Variants in POLA1 observed in about 807,000 individuals in gnomAD.
The protein encoded by POLA1 is DNA polymerase alpha catalytic subunit.
Under a neutral mutation model 124.0 loss-of-function variants are expected in POLA1, and 15 were observed. The ratio of observed to expected loss-of-function variants is 0.12; its 90% CI spans 0.08 to 0.19. The LOEUF (loss-of-function observed/expected upper bound fraction) is 0.19, where lower values mean the gene tolerates loss of function less well. Ranked by LOEUF, POLA1 falls within the 10% of genes least tolerant of loss-of-function variation. The pLI, the probability that POLA1 is intolerant of heterozygous loss-of-function variation, is 1.00. For missense variants in POLA1, 886 were observed against 1,103.4 expected, an observed-to-expected ratio of 0.80 and a Z score of 2.79; for synonymous variants, 408 against 389.4, an observed-to-expected ratio of 1.05 and a Z score of -0.56.
rs114515515 is a variant in POLA1 at position 24,831,946 on chromosome X, A to C, written c.3736+5345A>C. 2.7e-5 allele frequency among the ~76,000 whole-genome samples: 3 copies of C among 111,685 alleles called. No homozygotes were observed. The Admixed American group carries it at 2.8e-4, about 11-fold the overall frequency. ...TGCTGTGCCTAGCACCATAATAGGC[A>C]CTGTGAAGGATACAAAGTTGAGTCA... is the stretch of plus-strand genomic sequence containing the variant. On this transcript the variant is annotated intron_variant, in intron 32 of 36. Coordinates refer to ENST00000379068, the MANE Select transcript of POLA1 (RefSeq NM_001330360.2).
chrX:24,704,675 A>C, intron 4 of POLA1, among the ~76,000 whole-genome samples: 1 of 111,993 alleles, frequency 8.9e-6, no homozygotes, highest in East Asian at 2.8e-4. Flanking sequence ...CAGGAAATGA[A>C]GTTTCATGTC....
At chrX:24,801,079 G>A (rs756258468) in intron 26 of POLA1, among the ~76,000 whole-genome samples, 3 of 112,445 alleles carry the variant, frequency 2.7e-5, no homozygotes, top group South Asian at 7.4e-4. Flanking sequence ...AACTATAGTT[G>A]TATGGGAGAG....
chrX:24,972,568 G>T (rs1455412774), intron 36 of POLA1, among the ~76,000 whole-genome samples: 1 of 111,751 alleles, frequency 8.9e-6, no homozygotes, highest in East Asian at 2.8e-4. Flanking sequence ...CCTCTTTCTT[G>T]TTCTCTGTTC....
At chrX:24,845,159 G>A (rs1204730656) in intron 34 of POLA1, among the ~76,000 whole-genome samples, 1 of 111,658 alleles carries the variant, frequency 9.0e-6, no homozygotes, top group African/African-American at 3.3e-5. Context: ...TGTGGTGGTG[G>A]TTATATAAGT....
At chrX:24,984,658 T>A (rs868630428) in intron 36 of POLA1, among the ~76,000 whole-genome samples, 55 of 94,779 alleles carry the variant, frequency 5.8e-4, no homozygotes, top group South Asian at 1.1e-3. Context: ...TTTGCACTTT[T>A]TTTTTTTTTT....
At position 24,804,436 on chromosome X, in the gene POLA1, C is replaced by T. The variant is rs188289183; in HGVS notation, c.2965-5462C>T. On this transcript the variant is annotated intron_variant, in intron 26 of 36. Coordinates refer to ENST00000379068, the MANE Select transcript of POLA1 (RefSeq NM_001330360.2). ...TCAAAACCATTTATATTTTACTACC[C>T]CTGTTATGCTAATGTATTGTTTAAT... 3.6e-4 allele frequency among the ~76,000 whole-genome samples: 40 copies of T among 111,401 alleles called. No homozygotes were observed. The East Asian group carries it at 0.011, about 29-fold the overall frequency.
chrX:24,970,602 A>G (rs1397184388), intron 36 of POLA1, among the ~76,000 whole-genome samples: 1 of 110,971 alleles, frequency 9.0e-6, no homozygotes, highest in Non-Finnish European at 1.9e-5. Context: ...ATTTAAACAC[A>G]TTTACAAGGA....
chrX:24,839,879 C>T (rs187524472), intron 32 of POLA1, among the ~76,000 whole-genome samples: 1 of 112,025 alleles, frequency 8.9e-6, no homozygotes, highest in African/African-American at 3.2e-5. Context: ...TTTGAATTAG[C>T]GACAGTTACC....
chrX:24,987,818 G>A (rs2048495654), intron 36 of POLA1, among the ~76,000 whole-genome samples: 1 of 111,317 alleles, frequency 9.0e-6, no homozygotes, highest in East Asian at 2.8e-4. Flanking sequence ...TTCATGTCAG[G>A]ATTTAGGAAG....
chrX:24,772,755 C>T (rs527976787), intron 26 of POLA1, among the ~76,000 whole-genome samples: 2 of 111,719 alleles, frequency 1.8e-5, no homozygotes, highest in African/African-American at 6.5e-5. Context: ...TTAGTTCAAC[C>T]GTTGTGGAAG....
At chrX:24,728,751 C>T (rs769667263) in intron 15 of POLA1, among the ~76,000 whole-genome samples, 1 of 112,008 alleles carries the variant, frequency 8.9e-6, no homozygotes, top group East Asian at 2.8e-4. Flanking sequence ...CCTATTTGTG[C>T]AAGTCAAATT....
rs2047089077 is a variant in POLA1, at chrX:24,888,128, A to T, written c.4164+6A>T. 1 of 1,075,884 alleles carries T rather than the reference A, an allele frequency of 9.3e-7. No individual in the cohort carries two copies. Among genetic ancestry groups the T allele is most frequent in the Non-Finnish European group, 1.3e-6 (1 of 771,943 alleles). 88.7% of individuals were successfully genotyped at this position (1,075,884 alleles called of 1,213,427 possible). On this transcript the variant is annotated splice_donor_region_variant and intron_variant, in intron 35 of 36. Coordinates refer to ENST00000379068, the MANE Select transcript of POLA1 (RefSeq NM_001330360.2). ...AAGCTACACTTCAACCAGAGGTAACAGTCTCATAATGCTAAAGAACCATGT... is the reference window on the plus strand; with the variant it reads ...AAGCTACACTTCAACCAGAGGTAACTGTCTCATAATGCTAAAGAACCATGT...
At chrX:24,921,963 C>G (rs1429565457) in intron 35 of POLA1, among the ~76,000 whole-genome samples, 2 of 104,189 alleles carry the variant, frequency 1.9e-5, no homozygotes, top group Non-Finnish European at 3.8e-5. Flanking sequence ...GATAATGTGC[C>G]AGGGAAGAGG....
At chrX:24,926,155 A>G (rs2047688429) in intron 35 of POLA1, among the ~76,000 whole-genome samples, 1 of 109,882 alleles carries the variant, frequency 9.1e-6, no homozygotes, top group Non-Finnish European at 1.9e-5. Flanking sequence ...GCAATGAGCT[A>G]TGATTGCGCC....
At chrX:24,952,398 A>T (rs1158649072) in intron 36 of POLA1, among the ~76,000 whole-genome samples, 10 of 112,217 alleles carry the variant, frequency 8.9e-5, no homozygotes, top group Non-Finnish European at 7.5e-5. Context: ...TACCTCCATG[A>T]TGCAATCAGT....
At chrX:24,877,014 G>A in intron 34 of POLA1, among the ~76,000 whole-genome samples, 1 of 111,946 alleles carries the variant, frequency 8.9e-6, no homozygotes, top group East Asian at 2.8e-4. Context: ...CATGCGAGTC[G>A]CCCTTGGTAA....
intron 26 of POLA1, among the ~76,000 whole-genome samples, chrX:24,789,907 AT>A (rs759197288): frequency 9.0e-6 from 1 of 111,670 alleles, no homozygotes; most frequent in Non-Finnish European, 1.9e-5. Flanking sequence ...TGAAGCCTTT[AT>A]TTTTTTGCCA....
At chrX:24,925,339 AG>A (rs1470609652) in intron 35 of POLA1, among the ~76,000 whole-genome samples, 2 of 111,356 alleles carry the variant, frequency 1.8e-5, no homozygotes, top group African/African-American at 6.5e-5. Context: ...GGGTTGTATG[AG>A]GGTGATAACT....
At chrX:24,852,535 C>T (rs2046578653) in intron 34 of POLA1, among the ~76,000 whole-genome samples, 1 of 111,095 alleles carries the variant, frequency 9.0e-6, no homozygotes. Context: ...ATCTCGAACT[C>T]CCGACCTCAG....
Sources: allele counts gnomAD v4.1 joint callset (sites outside exome capture counted in the v4.1 genomes callset), GRCh38; gene constraint gnomAD v4.1.1; transcripts MANE v1.5; gene names NCBI Gene and HGNC (gene_info 2026-07-23, HGNC 2026-07-21).